ACOT1: variants seen among roughly 807,000 people sequenced by gnomAD.
The protein encoded by ACOT1 is acyl-coenzyme A thioesterase 1.
A neutral mutation model predicts 15.7 loss-of-function variants in ACOT1; 8 were observed. The ratio of observed to expected loss-of-function variants is 0.51; its 90% CI spans 0.30 to 0.92. ACOT1 has a LOEUF of 0.92. Ranked by LOEUF, ACOT1 falls within the 40% of genes least tolerant of loss-of-function variation. ACOT1 has a pLI of 0.06. For synonymous variants in ACOT1, 67 were observed against 241.2 expected, an observed-to-expected ratio of 0.28 and a Z score of 6.69; for missense variants, 151 against 539.4, an observed-to-expected ratio of 0.28 and a Z score of 7.13.
chr14:73,518,995 C>G, the ACOT1 span: 1 of 1,599,514 alleles, frequency 6.3e-7, no homozygotes, highest in Non-Finnish European at 8.5e-7. Flanking sequence ...TTATTAACCC[C>G]TGCCTTCCCT....
chr14:73,495,210 C>T, the ACOT1 span: 6 of 1,608,820 alleles, frequency 3.7e-6, 1 homozygote, highest in South Asian at 6.6e-5. Flanking sequence ...GCATGGAACT[C>T]ACCCCTAGGA....
the ACOT1 span, chr14:73,511,932 G>T: frequency 6.3e-7 from 1 of 1,579,668 alleles, no homozygotes; most frequent in Non-Finnish European, 8.7e-7. Context: ...TAAGCCCTGG[G>T]TCCCTACCAG....
At chr14:73,518,183 A>T in the ACOT1 span, among the ~76,000 whole-genome samples, 1 of 152,166 alleles carries the variant, frequency 6.6e-6, no homozygotes, top group Non-Finnish European at 1.5e-5. Context: ...GCCTCCAAGG[A>T]TAGACTGAGC....
chr14:73,496,750 A>G, the ACOT1 span: 1 of 844,930 alleles, frequency 1.2e-6, no homozygotes, highest in South Asian at 1.4e-5. Flanking sequence ...TAGAAAATAT[A>G]GGACTTGGAA....
the ACOT1 span, chr14:73,495,283 G>A: frequency 6.2e-7 from 1 of 1,613,980 alleles, no homozygotes. Flanking sequence ...GTTCTCCTTT[G>A]GGTTTCAAGT....
the ACOT1 span, among the ~76,000 whole-genome samples, chr14:73,524,206 T>A: frequency 2.0e-5 from 3 of 148,976 alleles, no homozygotes; most frequent in African/African-American, 7.4e-5. Context: ...GCAGGAGAAT[T>A]GCTTGAACCC....
chr14:73,500,081 T>A, the ACOT1 span, among the ~76,000 whole-genome samples: 2 of 151,960 alleles, frequency 1.3e-5, no homozygotes, highest in Non-Finnish European at 2.9e-5. Context: ...CACAAAAAAA[T>A]TAGCCAGGTG....
intron 2 of ACOT1, 143 bp from the exon 3 acceptor site, chr14:73,542,907 A>G: frequency 2.3e-6 from 2 of 873,096 alleles, no homozygotes; most frequent in Non-Finnish European, 3.2e-6. Context: ...GAGGGGAGGT[A>G]AATTCCCAAA....
At chr14:73,509,078 G>A in the ACOT1 span, among the ~76,000 whole-genome samples, 1 of 152,054 alleles carries the variant, frequency 6.6e-6, no homozygotes, top group African/African-American at 2.4e-5. Flanking sequence ...TGTTGCCCAG[G>A]CTGGTTTAGA....
At chr14:73,540,423 T>C (rs868621641) in intron 1 of ACOT1, among the ~76,000 whole-genome samples, 1 of 112,998 alleles carries the variant, frequency 8.8e-6, no homozygotes, top group Non-Finnish European at 1.9e-5. Context: ...TATCAAGATA[T>C]ACAAAAGAAA....
chr14:73,498,560 T>G, the ACOT1 span, among the ~76,000 whole-genome samples: 3 of 152,194 alleles, frequency 2.0e-5, no homozygotes, highest in South Asian at 2.1e-4. Context: ...TTGCCTATTT[T>G]GGGATGAAAT....
the ACOT1 span, chr14:73,500,741 C>T: frequency 1.9e-6 from 3 of 1,609,720 alleles, no homozygotes; most frequent in African/African-American, 2.7e-5. Flanking sequence ...CTGTAAGGCA[C>T]AAGTTGCTTT....
the ACOT1 span, chr14:73,491,883 T>C: frequency 1.9e-6 from 3 of 1,611,776 alleles, no homozygotes; most frequent in Non-Finnish European, 8.5e-7. Flanking sequence ...GCGTGGTCCC[T>C]GTACCAGGCC....
intron 1 of ACOT1, among the ~76,000 whole-genome samples, chr14:73,539,011 T>A (rs1358216698): frequency 3.5e-5 from 4 of 115,084 alleles, no homozygotes; most frequent in Non-Finnish European, 7.6e-5. Context: ...CAACAAAAAA[T>A]TTTCAAGTAG....
At chr14:73,525,434 C>T in the ACOT1 span, among the ~76,000 whole-genome samples, 1 of 152,162 alleles carries the variant, frequency 6.6e-6, no homozygotes, top group Non-Finnish European at 1.5e-5. Context: ...ACTTTTTGCA[C>T]ATAAGGCTAA....
At chr14:73,493,982 GTA>G in the ACOT1 span, among the ~76,000 whole-genome samples, 1 of 152,176 alleles carries the variant, frequency 6.6e-6, no homozygotes, top group Admixed American at 6.5e-5. Context: ...TAAGATCATG[GTA>G]TGTTTTTGCT....
At chr14:73,513,872 A>G in the ACOT1 span, among the ~76,000 whole-genome samples, 5 of 151,908 alleles carry the variant, frequency 3.3e-5, no homozygotes, top group African/African-American at 1.2e-4. Flanking sequence ...TTCATCTAAC[A>G]CCCAATGTGT....
chr14:73,509,349 G>A, the ACOT1 span: 1 of 1,614,070 alleles, frequency 6.2e-7, no homozygotes, highest in Non-Finnish European at 8.5e-7. Context: ...TCCGGGCAAG[G>A]GGATTATGTG....
At chr14:73,532,124 G>A in the ACOT1 span, among the ~76,000 whole-genome samples, 2 of 116,030 alleles carry the variant, frequency 1.7e-5, 1 homozygote, top group Non-Finnish European at 3.8e-5. Flanking sequence ...AGGCAAAGCA[G>A]GGAACACATG....
Sources: gnomAD v4.1 joint callset for allele counts (sites outside exome capture counted in the v4.1 genomes callset) on GRCh38, gnomAD v4.1.1 for gene constraint, MANE v1.5 for transcripts, NCBI Gene and HGNC (gene_info 2026-07-23, HGNC 2026-07-21) for gene names.